The following NRG3 variants were observed in gnomAD, a reference collection of about 807,000 sequenced individuals.
The protein encoded by NRG3 is neuregulin 3.
Under a neutral mutation model 66.9 loss-of-function variants are expected in NRG3, and 31 were observed. The ratio of observed to expected loss-of-function variants is 0.46; its 90% CI spans 0.35 to 0.63. The LOEUF (loss-of-function observed/expected upper bound fraction) is 0.63, where lower values mean the gene tolerates loss of function less well. Among genes scored for constraint, NRG3 ranks in the 20% least tolerant of loss-of-function variants. The pLI, the probability that NRG3 is intolerant of heterozygous loss-of-function variation, is 0.00. For synonymous variants in NRG3, 393 were observed against 359.4 expected (o/e 1.09, Z -1.06); for missense variants, 910 against 878.9 (o/e 1.04, Z -0.45).
rs142676002 is a variant in NRG3 at position 82,600,534 on chromosome 10, G to A, written c.954-138043G>A. ...CACCCTGGCTGGAGTACAATGGTGC[G>A]ATCTCAGCGCATTGCAACCCCTGCC... On this transcript the variant is annotated intron_variant, in intron 2 of 8. Transcript: ENST00000372141. Among the ~76,000 whole-genome samples the A allele has an allele frequency of 1.6e-3, 243 of 152,204 alleles. 3 individuals are homozygous for A. The East Asian group carries it at 0.041, about 26-fold the overall frequency.
chr10:82,134,062 C>A (rs1442672979), intron 1 of NRG3, among the ~76,000 whole-genome samples: 1 of 152,056 alleles, frequency 6.6e-6, no homozygotes, highest in Admixed American at 6.6e-5. Flanking sequence ...TGTATGTCTT[C>A]TTTTGAGAAG....
At chr10:82,361,032 A>G (rs1232458763) in intron 2 of NRG3, among the ~76,000 whole-genome samples, 4 of 152,190 alleles carry the variant, frequency 2.6e-5, no homozygotes, top group African/African-American at 9.7e-5. Flanking sequence ...AAATATGATC[A>G]CATTCTGAGG....
intron 3 of NRG3, among the ~76,000 whole-genome samples, chr10:82,779,510 G>T (rs1293466267): frequency 6.6e-6 from 1 of 152,106 alleles, no homozygotes; most frequent in African/African-American, 2.4e-5. Context: ...TTGGTGGAGA[G>T]GGATGAGAGT....
rs138219776 is a variant in NRG3 at position 82,433,566 on chromosome 10, G to A, written c.953+74698G>A. Among the ~76,000 whole-genome samples the A allele has an allele frequency of 4.7e-3, 714 of 152,244 alleles. 20 individuals carry two copies. The highest frequency in any genetic ancestry group is 1.1e-3 in the Non-Finnish European group (75 of 68,024). On this transcript the variant is annotated intron_variant, in intron 2 of 8. Coordinates refer to ENST00000372141, the MANE Select transcript of NRG3 (RefSeq NM_001010848.4). ...TGGCATTGCCAGGTTTTCTTCTAGG[G>A]TTTTTAAGGTTTTAGGTTTTACATT...
rs867660361 is a variant in NRG3 at position 82,370,130 on chromosome 10, G to T, written c.953+11262G>T. On this transcript the variant is annotated intron_variant, in intron 2 of 8. Transcript: ENST00000372141. ...AGCTCAGTGGACCCTCTGCTTTATC[G>T]CAAGGGCAGGGGGCCAGTGTGACAG... 1.0e-4 allele frequency among the ~76,000 whole-genome samples: 14 copies of T among 139,030 alleles called. 1 individual carries two copies. Among genetic ancestry groups the T allele is most frequent in the Middle Eastern group, 3.5e-3 (1 of 282 alleles). The allele number at this position is 139,030 out of a possible 152,430, so 91.2% of individuals were successfully genotyped here.
chr10:82,137,735 G>T (rs1423031826), intron 1 of NRG3, among the ~76,000 whole-genome samples: 5 of 152,200 alleles, frequency 3.3e-5, no homozygotes, highest in Non-Finnish European at 7.3e-5. Flanking sequence ...GCAAGAATTT[G>T]TTATGCATCC....
chr10:82,722,591 C>T (rs971967553), intron 2 of NRG3, among the ~76,000 whole-genome samples: 6 of 152,144 alleles, frequency 3.9e-5, no homozygotes, highest in Non-Finnish European at 5.9e-5. Flanking sequence ...AGCCCCCACC[C>T]CTAATCTCCT....
chr10:82,134,991 TG>T (rs1251480770), intron 1 of NRG3, among the ~76,000 whole-genome samples: 1 of 151,720 alleles, frequency 6.6e-6, no homozygotes, highest in Non-Finnish European at 1.5e-5. Flanking sequence ...CCAGGCGTGG[TG>T]GCACATGCCT....
chr10:82,563,918 TAAG>T (rs2045221795), intron 2 of NRG3, among the ~76,000 whole-genome samples: 1 of 152,128 alleles, frequency 6.6e-6, no homozygotes, highest in Non-Finnish European at 1.5e-5. Context: ...TTGAGTATCT[TAAG>T]ATGATATATT....
At chr10:81,894,849 G>A (rs180817589) in intron 1 of NRG3, among the ~76,000 whole-genome samples, 2 of 152,072 alleles carry the variant, frequency 1.3e-5, no homozygotes, top group South Asian at 2.1e-4. Flanking sequence ...TGCGACAGCC[G>A]CTGCCTCCAA....
chr10:82,583,912 G>A (rs1166666037), intron 2 of NRG3, among the ~76,000 whole-genome samples: 1 of 152,048 alleles, frequency 6.6e-6, no homozygotes, highest in Admixed American at 6.6e-5. Flanking sequence ...AAATGAACAT[G>A]GAAAAGCTAA....
At chr10:82,395,769 G>A (rs2086677867) in intron 2 of NRG3, among the ~76,000 whole-genome samples, 1 of 152,076 alleles carries the variant, frequency 6.6e-6, no homozygotes, top group Non-Finnish European at 1.5e-5. Context: ...CCACAGTCAT[G>A]TGGGAATGTA....
chr10:82,704,570 C>T (rs1044433833), intron 2 of NRG3, among the ~76,000 whole-genome samples: 3 of 152,156 alleles, frequency 2.0e-5, no homozygotes, highest in Admixed American at 1.3e-4. Flanking sequence ...TATTCCAATC[C>T]ATGAGAGAAA....
intron 1 of NRG3, among the ~76,000 whole-genome samples, chr10:82,071,391 G>A (rs1462998067): frequency 6.6e-6 from 1 of 152,144 alleles, no homozygotes; most frequent in Non-Finnish European, 1.5e-5. Flanking sequence ...TGTTAGGGAA[G>A]GCTTAGTGAT....
rs528236883 is a variant in NRG3 at position 81,939,224 on chromosome 10, A to G, written c.823+63061A>G. ...ATATTTATCATAGATATTGGTCTAT[A>G]GTTTTATTTTATGGTAGTTTCTTTG... On this transcript the variant is annotated intron_variant, in intron 1 of 8. Transcript: ENST00000372141. Among the ~76,000 whole-genome samples the G allele has an allele frequency of 3.2e-4, 48 of 152,122 alleles. 1 individual carries two copies. The highest frequency in any genetic ancestry group is 2.8e-3 in the Admixed American group (42 of 15,258).
intron 2 of NRG3, among the ~76,000 whole-genome samples, chr10:82,474,293 A>G (rs1397920167): frequency 6.6e-6 from 1 of 152,112 alleles, no homozygotes; most frequent in Non-Finnish European, 1.5e-5. Context: ...TGAGCTTACT[A>G]GATAAAGACT....
intron 2 of NRG3, among the ~76,000 whole-genome samples, chr10:82,503,073 T>C (rs1475491776): frequency 6.6e-6 from 1 of 152,234 alleles, no homozygotes; most frequent in African/African-American, 2.4e-5. Flanking sequence ...AGTTTCATTT[T>C]GTAGCTTATC....
At chr10:82,391,164 G>A (rs927690534) in intron 2 of NRG3, among the ~76,000 whole-genome samples, 1 of 152,144 alleles carries the variant, frequency 6.6e-6, no homozygotes, top group Non-Finnish European at 1.5e-5. Flanking sequence ...AGCTAATTCA[G>A]TGATTCAACA....
At chr10:82,923,397 G>A (rs1463920898) in intron 4 of NRG3, among the ~76,000 whole-genome samples, 1 of 152,114 alleles carries the variant, frequency 6.6e-6, no homozygotes, top group Non-Finnish European at 1.5e-5. Flanking sequence ...TGTCTCCAAA[G>A]CCTGGATTAT....
Sources: gnomAD v4.1 joint callset for allele counts (sites outside exome capture counted in the v4.1 genomes callset) on GRCh38, gnomAD v4.1.1 for gene constraint, MANE v1.5 for transcripts, NCBI Gene and HGNC (gene_info 2026-07-23, HGNC 2026-07-21) for gene names.